ZNF83: variants seen among roughly 807,000 people sequenced by gnomAD.
ZNF83 encodes zinc finger protein 83, also known as zinc finger protein 816B.
For missense variants in ZNF83, 552 were observed against 629.9 expected (o/e 0.88, Z 1.32); for synonymous variants, 209 against 213.0 (o/e 0.98, Z 0.17).
Position 52,613,348 on chromosome 19 carries a change from C to T in ZNF83, c.1217G>A (p.Cys406Tyr), listed in dbSNP as rs1370412235. Reference sequence around the variant, plus strand: ...TGAATTTTGACTGAAGACTTTGCCACATTCATCACATTTGTAAGGTTTCTC... The same window carrying T: ...TGAATTTTGACTGAAGACTTTGCCATATTCATCACATTTGTAAGGTTTCTC... Residue 406 changes from cysteine to tyrosine, a missense_variant, in exon 3 of 3, where the codon TGT becomes TAT. Transcript: ENST00000301096. The T allele has an allele frequency of 5.6e-6, 9 of 1,614,022 alleles. No individual in the cohort carries two copies. The highest frequency in any genetic ancestry group is 7.6e-6 in the Non-Finnish European group (9 of 1,179,974).
At chr19:52,667,224 G>GA (rs34235519) in intron 1 of ZNF83, among the ~76,000 whole-genome samples, 367 of 86,042 alleles carry the variant, frequency 4.3e-3, no homozygotes, top group South Asian at 0.013. Context: ...TATCATCTTT[G>GA]AAAAAAAAAA....
chr19:52,675,600 G>C (rs1466007076), intron 1 of ZNF83, among the ~76,000 whole-genome samples: 1 of 152,078 alleles, frequency 6.6e-6, no homozygotes, highest in African/African-American at 2.4e-5. Flanking sequence ...GGAGGGGATG[G>C]GCTCACGGGG....
chr19:52,652,503 G>A (rs907217802), intron 3 of ZNF83: 11 of 448,382 alleles, frequency 2.5e-5, no homozygotes, highest in South Asian at 1.7e-4. Context: ...GAATTCTCCT[G>A]TGTTTTGCAT....
At chr19:52,652,980 A>C in intron 3 of ZNF83, 1 of 1,336,226 alleles carries the variant, frequency 7.5e-7, no homozygotes, top group South Asian at 1.2e-5. Flanking sequence ...TACACCTGTA[A>C]GGTTTCTCTC....
At chr19:52,658,258 A>C (rs540858107) in intron 2 of ZNF83, among the ~76,000 whole-genome samples, 6 of 152,258 alleles carry the variant, frequency 3.9e-5, no homozygotes, top group African/African-American at 1.2e-4. Context: ...ACATTATGAA[A>C]GTCCCAGGCC....
At chr19:52,647,321 A>C (rs2061384737) in intron 3 of ZNF83, among the ~76,000 whole-genome samples, 1 of 152,196 alleles carries the variant, frequency 6.6e-6, no homozygotes, top group South Asian at 2.1e-4. Context: ...TAATTTAAAT[A>C]ATTTATTTAT....
intron 1 of ZNF83, among the ~76,000 whole-genome samples, chr19:52,689,373 C>G (rs1308140390): frequency 6.7e-6 from 1 of 149,748 alleles, no homozygotes; most frequent in African/African-American, 2.5e-5. Context: ...GTTACATTCT[C>G]TCTTCCCTGT....
At chr19:52,645,584 A>C (rs71358895) in intron 3 of ZNF83, among the ~76,000 whole-genome samples, 16,676 of 152,142 alleles carry the variant, frequency 0.11, 1,033 homozygotes, top group African/African-American at 0.16. Flanking sequence ...AGATGTGCAG[A>C]TCACCTGAGG....
intron 2 of ZNF83, among the ~76,000 whole-genome samples, chr19:52,615,939 A>G (rs1013069593): frequency 6.6e-6 from 1 of 152,206 alleles, no homozygotes; most frequent in Non-Finnish European, 1.5e-5. Flanking sequence ...CACGAGTTCA[A>G]GCGATTCTCC....
intron 1 of ZNF83, among the ~76,000 whole-genome samples, chr19:52,673,074 G>A (rs2147318017): frequency 6.6e-6 from 1 of 152,130 alleles, no homozygotes; most frequent in South Asian, 2.1e-4. Context: ...AAAAAAAACT[G>A]GATGTGAGCC....
At chr19:52,679,127 A>T (rs2061866807) in intron 1 of ZNF83, among the ~76,000 whole-genome samples, 1 of 152,250 alleles carries the variant, frequency 6.6e-6, no homozygotes, top group Non-Finnish European at 1.5e-5. Flanking sequence ...ACAGTGACAC[A>T]TATTGGTGTG....
At chr19:52,653,599 C>G (rs192979941) in intron 3 of ZNF83, among the ~76,000 whole-genome samples, 1 of 152,144 alleles carries the variant, frequency 6.6e-6, no homozygotes, top group East Asian at 1.9e-4. Flanking sequence ...TCTACGATGC[C>G]CTACAAGGGA....
chr19:52,621,726 A>G (rs2060555446), intron 2 of ZNF83, among the ~76,000 whole-genome samples: 1 of 152,198 alleles, frequency 6.6e-6, no homozygotes, highest in Admixed American at 6.5e-5. Flanking sequence ...CACCTGATCT[A>G]AAACCTAAGC....
Position 52,625,421 on chromosome 19 carries a change from A to G in ZNF83, c.-234+9645T>C, listed in dbSNP as rs766828308. Among the ~76,000 whole-genome samples the G allele has an allele frequency of 5.9e-5, 9 of 151,948 alleles. No homozygotes were observed. The East Asian group carries it at 1.4e-3, about 23-fold the overall frequency. On this transcript the variant is annotated intron_variant, in intron 2 of 2. Transcript: ENST00000301096. ...TCCTTATGTCAAGTCTACTCCCCCC[A>G]TATTTGGACTCCCCACAACACAAGC...
chr19:52,690,152 G>C (rs2062127266), intron 1 of ZNF83, among the ~76,000 whole-genome samples: 1 of 150,126 alleles, frequency 6.7e-6, no homozygotes, highest in Non-Finnish European at 1.5e-5. Context: ...TAAAAAGCGC[G>C]GGGCGGGAGG....
chr19:52,689,827 C>A (rs2062115198), intron 1 of ZNF83, among the ~76,000 whole-genome samples: 1 of 152,160 alleles, frequency 6.6e-6, no homozygotes, highest in Non-Finnish European at 1.5e-5. Context: ...CCCGGAGGAG[C>A]TTATTTTCCA....
chr19:52,673,339 TA>T (rs1440531213), intron 1 of ZNF83, among the ~76,000 whole-genome samples: 1 of 152,036 alleles, frequency 6.6e-6, no homozygotes, highest in Non-Finnish European at 1.5e-5. Flanking sequence ...ACCCTGTCTC[TA>T]AAAAAATACA....
chr19:52,645,685 T>C (rs907872227), intron 3 of ZNF83, among the ~76,000 whole-genome samples: 1 of 151,724 alleles, frequency 6.6e-6, no homozygotes, highest in Non-Finnish European at 1.5e-5. Flanking sequence ...CATATACCTG[T>C]AGTGCCACCT....
chr19:52,687,568 T>TA (rs2062053877), intron 1 of ZNF83, among the ~76,000 whole-genome samples: 1 of 33,042 alleles, frequency 3.0e-5, no homozygotes, highest in Non-Finnish European at 6.2e-5. Flanking sequence ...ATTTTATATA[T>TA]ATATAAATTT....
Sources: allele counts gnomAD v4.1 joint callset (sites outside exome capture counted in the v4.1 genomes callset), GRCh38; gene constraint gnomAD v4.1.1; transcripts MANE v1.5; gene names NCBI Gene and HGNC (gene_info 2026-07-23, HGNC 2026-07-21).